The following HS3ST4 variants were observed in gnomAD, a reference collection of about 807,000 sequenced individuals.
HS3ST4 encodes heparan sulfate-glucosamine 3-sulfotransferase 4, also known as heparan sulfate glucosamine 3-O-sulfotransferase 4.
A neutral mutation model predicts 29.2 loss-of-function variants in HS3ST4; 17 were observed. The observed-to-expected ratio is 0.58, with a 90% CI of 0.40 to 0.87. The LOEUF is 0.87. HS3ST4 is among the 40% of genes least tolerant of loss of function. The pLI is 0.00. For missense variants in HS3ST4, 627 were observed against 634.5 expected, an observed-to-expected ratio of 0.99 and a Z score of 0.13; for synonymous variants, 314 against 285.7, an observed-to-expected ratio of 1.10 and a Z score of -1.00.
At chr16:26,056,649 T>C (rs1262499760) in intron 1 of HS3ST4, among the ~76,000 whole-genome samples, 2 of 152,214 alleles carry the variant, frequency 1.3e-5, no homozygotes, top group African/African-American at 2.4e-5. Flanking sequence ...TCTTATTCAG[T>C]AGACAGAGCT....
At chr16:25,844,913 T>C (rs527967251) in intron 1 of HS3ST4, among the ~76,000 whole-genome samples, 8 of 152,194 alleles carry the variant, frequency 5.3e-5, no homozygotes, top group Admixed American at 5.2e-4. Context: ...TGGATGAAGG[T>C]GAAAGCCATT....
intron 1 of HS3ST4, among the ~76,000 whole-genome samples, chr16:25,790,490 C>T (rs1455365825): frequency 6.6e-6 from 1 of 152,202 alleles, no homozygotes; most frequent in Non-Finnish European, 1.5e-5. Flanking sequence ...ATTTTGTTAA[C>T]AATTTAAATT....
chr16:26,003,076 G>A (rs1160552203), intron 1 of HS3ST4, among the ~76,000 whole-genome samples: 1 of 152,010 alleles, frequency 6.6e-6, no homozygotes, highest in Non-Finnish European at 1.5e-5. Context: ...ACAAGAAATA[G>A]ATTGGTTAAA....
At chr16:25,727,053 T>G (rs1340140147) in intron 1 of HS3ST4, among the ~76,000 whole-genome samples, 6 of 152,188 alleles carry the variant, frequency 3.9e-5, no homozygotes, top group Admixed American at 1.3e-4. Context: ...CTACTTAACA[T>G]TTCTTACTTG....
At chr16:25,704,533 C>T (rs1251541463) in intron 1 of HS3ST4, among the ~76,000 whole-genome samples, 11 of 152,064 alleles carry the variant, frequency 7.2e-5, no homozygotes, top group Admixed American at 7.2e-4. Context: ...GATCATAGCT[C>T]ACAGCAGCTT....
chr16:26,051,586 G>A (rs1051571182), intron 1 of HS3ST4, among the ~76,000 whole-genome samples: 3 of 152,044 alleles, frequency 2.0e-5, no homozygotes, highest in Non-Finnish European at 2.9e-5. Flanking sequence ...CAGTTGGGAC[G>A]AGAGCTCTGG....
At position 26,108,151 on chromosome 16, in the gene HS3ST4, G is replaced by A. The variant is rs114729937; in HGVS notation, c.735-27461G>A. Among the ~76,000 whole-genome samples the A allele has an allele frequency of 4.3e-3, 649 of 152,276 alleles. 8 individuals are homozygous for A. The highest frequency in any genetic ancestry group is 0.015 in the African/African-American group (619 of 41,548). On this transcript the variant is annotated intron_variant, in intron 1 of 1. Coordinates refer to ENST00000331351, the MANE Select transcript of HS3ST4 (RefSeq NM_006040.3). ...TTTAATAATGGCCATTCTGACTGGG[G>A]TAATATGGTATCACACTGTGGTTTT...
chr16:25,945,582 C>T (rs1444689111), intron 1 of HS3ST4, among the ~76,000 whole-genome samples: 2 of 152,180 alleles, frequency 1.3e-5, no homozygotes, highest in Non-Finnish European at 2.9e-5. Context: ...CTTCTCAAAG[C>T]AGTCAGTACA....
At chr16:26,069,679 T>C (rs893531779) in intron 1 of HS3ST4, among the ~76,000 whole-genome samples, 7 of 151,226 alleles carry the variant, frequency 4.6e-5, no homozygotes, top group African/African-American at 4.8e-5. Context: ...CTACATTAGG[T>C]ATATCTCCTA....
At chr16:26,056,499 G>A (rs1419676546) in intron 1 of HS3ST4, among the ~76,000 whole-genome samples, 1 of 152,198 alleles carries the variant, frequency 6.6e-6, no homozygotes, top group Non-Finnish European at 1.5e-5. Flanking sequence ...TCAGGAGCAG[G>A]GGGCACAGAA....
At chr16:25,710,867 A>AGTACAGT (rs944252621) in intron 1 of HS3ST4, among the ~76,000 whole-genome samples, 1 of 115,882 alleles carries the variant, frequency 8.6e-6, no homozygotes, top group African/African-American at 3.3e-5. Context: ...CTCAGGCTGG[A>AGTACAGT]GTACAGTGGC....
chr16:25,894,715 A>G (rs959548205), intron 1 of HS3ST4, among the ~76,000 whole-genome samples: 3 of 152,024 alleles, frequency 2.0e-5, no homozygotes, highest in African/African-American at 7.2e-5. Flanking sequence ...CATGTTGGCC[A>G]GGCTGGTCTC....
rs143356718 is a variant in HS3ST4, at chr16:25,704,247, C to A, written c.734+11096C>A. On this transcript the variant is annotated intron_variant, in intron 1 of 1. Coordinates refer to ENST00000331351, the MANE Select transcript of HS3ST4 (RefSeq NM_006040.3). ...TTTTCACATACTCTTTTTTTGCAAG[C>A]CTATTTTGGGTGCAGAAAGAGAAAC... Among the ~76,000 whole-genome samples, 21 of 152,174 alleles carry A rather than the reference C, an allele frequency of 1.4e-4. No homozygotes were observed. The East Asian group carries it at 3.7e-3, about 27-fold the overall frequency.
At chr16:26,094,985 C>T (rs1433511808) in intron 1 of HS3ST4, among the ~76,000 whole-genome samples, 1 of 151,726 alleles carries the variant, frequency 6.6e-6, no homozygotes, top group African/African-American at 2.4e-5. Flanking sequence ...ATAAAACAGA[C>T]TTTAAACCAA....
Position 25,714,630 on chromosome 16 carries a change from C to T in HS3ST4, c.734+21479C>T, listed in dbSNP as rs532433583. Among the ~76,000 whole-genome samples, 3 of 152,326 alleles carry T rather than the reference C, an allele frequency of 2.0e-5. No homozygotes were observed. In the South Asian group the frequency reaches 6.2e-4, roughly 32 times the overall value. On this transcript the variant is annotated intron_variant, in intron 1 of 1. Coordinates refer to ENST00000331351, the MANE Select transcript of HS3ST4 (RefSeq NM_006040.3). ...ACTTCAGAAGCTGCATCTGTTTTGT[C>T]TCCTTGTTTGTTATATGTTGATGGC...
At chr16:25,881,508 G>T (rs1179619637) in intron 1 of HS3ST4, among the ~76,000 whole-genome samples, 1 of 152,186 alleles carries the variant, frequency 6.6e-6, no homozygotes, top group Non-Finnish European at 1.5e-5. Context: ...GCACCTGGAT[G>T]CTTGGATAGA....
chr16:26,104,019 G>GT (rs746471610), intron 1 of HS3ST4, among the ~76,000 whole-genome samples: 14 of 152,226 alleles, frequency 9.2e-5, no homozygotes, highest in Admixed American at 2.6e-4. Context: ...CCATAAAAAT[G>GT]TTTTTTTAAA....
chr16:25,761,889 C>T (rs1213109612), intron 1 of HS3ST4, among the ~76,000 whole-genome samples: 1 of 152,170 alleles, frequency 6.6e-6, no homozygotes, highest in East Asian at 1.9e-4. Flanking sequence ...TCTCGTTTTA[C>T]AACAGGGGAA....
At chr16:25,827,888 G>A (rs1052866307) in intron 1 of HS3ST4, among the ~76,000 whole-genome samples, 3 of 152,080 alleles carry the variant, frequency 2.0e-5, no homozygotes, top group Non-Finnish European at 4.4e-5. Flanking sequence ...CACAAGCTAC[G>A]GAGCTAGCAA....
Sources: allele counts gnomAD v4.1 joint callset (sites outside exome capture counted in the v4.1 genomes callset), GRCh38; gene constraint gnomAD v4.1.1; transcripts MANE v1.5; gene names NCBI Gene and HGNC (gene_info 2026-07-23, HGNC 2026-07-21).